The following MRAS variants were observed in gnomAD, a reference collection of about 807,000 sequenced individuals.
MRAS encodes the protein muscle RAS oncogene homolog, also known as ras-related protein M-Ras.
Under a neutral mutation model 20.9 loss-of-function variants are expected in MRAS, and 4 were observed. That is an observed-to-expected ratio of 0.19 (90% CI 0.09 to 0.44). The LOEUF (loss-of-function observed/expected upper bound fraction) is 0.44, where lower values mean the gene tolerates loss of function less well. Among genes scored for constraint, MRAS ranks in the 20% least tolerant of loss-of-function variants. The pLI is 0.99. For synonymous variants in MRAS, 98 were observed against 102.9 expected (o/e 0.95, Z 0.29); for missense variants, 154 against 277.5 (o/e 0.56, Z 3.16).
intron 2 of MRAS, among the ~76,000 whole-genome samples, chr3:138,393,753 G>A (rs1227359469): frequency 6.6e-6 from 1 of 151,880 alleles, no homozygotes; most frequent in African/African-American, 2.4e-5. Context: ...GCAATGGCGT[G>A]ATCTTGGCTC....
intron 1 of MRAS, among the ~76,000 whole-genome samples, chr3:138,371,601 CTTTCT>C (rs1168523374): frequency 1.3e-5 from 2 of 152,220 alleles, no homozygotes; most frequent in African/African-American, 2.4e-5. Context: ...CACAGGGATT[CTTTCT>C]TTTCTTCTAC....
At chr3:138,398,697 GT>G in intron 4 of MRAS, 129 bp downstream of exon 4, 1 of 773,516 alleles carries the variant, frequency 1.3e-6, no homozygotes, top group Non-Finnish European at 2.1e-6. Context: ...TTTAAGTCTT[GT>G]TGCTACTGAA....
At chr3:138,356,340 A>G (rs2054333598) in intron 1 of MRAS, among the ~76,000 whole-genome samples, 1 of 152,168 alleles carries the variant, frequency 6.6e-6, no homozygotes, top group African/African-American at 2.4e-5. Flanking sequence ...CTGACCATTT[A>G]TGGGGGGTGT....
At chr3:138,359,691 G>A (rs2054405705) in intron 1 of MRAS, among the ~76,000 whole-genome samples, 1 of 152,112 alleles carries the variant, frequency 6.6e-6, no homozygotes, top group Non-Finnish European at 1.5e-5. Flanking sequence ...ATGCCAGGCT[G>A]GCCCATGTCC....
In MRAS at chr3:138,367,668, C is replaced by T. The variant is rs186155663; in HGVS notation, c.-18-5198C>T. Among the ~76,000 whole-genome samples, 6 of 152,250 alleles carry T rather than the reference C, an allele frequency of 3.9e-5. No homozygotes were observed. In the East Asian group the frequency reaches 7.7e-4, roughly 20 times the overall value. On this transcript the variant is annotated intron_variant, in intron 1 of 5. Coordinates refer to ENST00000423968, the MANE Select transcript of MRAS (RefSeq NM_001085049.3). ...GTAGAAGGCCGCACTGGGAAAGTGACGAGGGCAGTGTGAGTAGAGACTGAG... is the reference window on the plus strand; with the variant it reads ...GTAGAAGGCCGCACTGGGAAAGTGATGAGGGCAGTGTGAGTAGAGACTGAG...
chr3:138,387,285 G>A (rs778477407), intron 2 of MRAS, among the ~76,000 whole-genome samples: 7 of 152,228 alleles, frequency 4.6e-5, no homozygotes, highest in Admixed American at 1.3e-4. Flanking sequence ...GCGCAGGTGC[G>A]GAGTAGGTGG....
At chr3:138,369,102 A>C (rs978697831) in intron 1 of MRAS, among the ~76,000 whole-genome samples, 26 of 152,174 alleles carry the variant, frequency 1.7e-4, no homozygotes, top group African/African-American at 6.3e-4. Context: ...GTTGTCCCTT[A>C]GCTCTCTCCA....
At position 138,402,301 on chromosome 3, in the gene MRAS, G is replaced by A; in HGVS notation, c.*32G>A. The A allele has an allele frequency of 1.9e-6, 3 of 1,583,842 alleles. No homozygotes were observed. The highest frequency in any genetic ancestry group is 2.6e-6 in the Non-Finnish European group (3 of 1,153,420). On this transcript the variant is annotated 3_prime_UTR_variant, in exon 6 of 6. Coordinates refer to ENST00000423968, the MANE Select transcript of MRAS (RefSeq NM_001085049.3). Reference sequence around the variant, plus strand: ...TGAGGCCCTGGGCACAGTGACGGTGGCCTGGCCAGCCCTCGGGACCCCTCC... The same window carrying A: ...TGAGGCCCTGGGCACAGTGACGGTGACCTGGCCAGCCCTCGGGACCCCTCC...
At chr3:138,363,882 C>A (rs1281131613) in intron 1 of MRAS, among the ~76,000 whole-genome samples, 2 of 126,648 alleles carry the variant, frequency 1.6e-5, no homozygotes, top group Non-Finnish European at 3.2e-5. Flanking sequence ...ATGGAGAGCT[C>A]TTCTGGATTT....
At chr3:138,393,361 G>A (rs1488323743) in intron 2 of MRAS, among the ~76,000 whole-genome samples, 1 of 152,106 alleles carries the variant, frequency 6.6e-6, no homozygotes, top group Non-Finnish European at 1.5e-5. Context: ...TTACTGCACT[G>A]GCCTTAAACT....
rs1346915755 is a variant in MRAS, at chr3:138,404,359, A to G, written c.*2090A>G. The G allele has an allele frequency of 6.6e-6, 1 of 152,236 alleles. No individual in the cohort carries two copies. The highest frequency in any genetic ancestry group is 1.5e-5 in the Non-Finnish European group (1 of 68,082). The allele number at this position is 152,236 out of a possible 1,614,324, so 9.4% of individuals were successfully genotyped here. A position where few individuals can be genotyped will look rare whatever the true frequency, so the allele number is the denominator to read the frequency against. On this transcript the variant is annotated 3_prime_UTR_variant, in exon 6 of 6. Transcript: ENST00000423968. Reference sequence around the variant, plus strand: ...AGCCAGAAAACTCCTGCTGGGCACCAACCACTACGAGCATACCCCATGCCC... The same window carrying G: ...AGCCAGAAAACTCCTGCTGGGCACCGACCACTACGAGCATACCCCATGCCC...
chr3:138,404,110 T>A lies in MRAS; in HGVS notation c.*1841T>A, dbSNP rs1282551809. The A allele has an allele frequency of 1.3e-5, 2 of 152,246 alleles. No individual in the cohort carries two copies. Among genetic ancestry groups the A allele is most frequent in the African/African-American group, 4.8e-5 (2 of 41,460 alleles). The allele number at this position is 152,246 out of a possible 1,614,324, so 9.4% of individuals were successfully genotyped here. A position where few individuals can be genotyped will look rare whatever the true frequency, so the allele number is the denominator to read the frequency against. ...CACTTCAAAGTTTCCTTAGACCCTA[T>A]AGTGTTAAGAGGTATTTTAAACACT... On this transcript the variant is annotated 3_prime_UTR_variant, in exon 6 of 6. Transcript: ENST00000423968.
chr3:138,385,590 A>G (rs2108541153), intron 2 of MRAS, among the ~76,000 whole-genome samples: 1 of 152,126 alleles, frequency 6.6e-6, no homozygotes, highest in East Asian at 1.9e-4. Flanking sequence ...ACCTTGGCTC[A>G]CTGCAACCTC....
At chr3:138,355,423 G>A (rs907753588) in intron 1 of MRAS, among the ~76,000 whole-genome samples, 5 of 152,254 alleles carry the variant, frequency 3.3e-5, no homozygotes, top group Non-Finnish European at 7.3e-5. Flanking sequence ...AGAACAGTGA[G>A]TAAAGCTCTG....
At chr3:138,380,103 C>T (rs1202305392) in intron 2 of MRAS, among the ~76,000 whole-genome samples, 2 of 152,060 alleles carry the variant, frequency 1.3e-5, no homozygotes, top group Non-Finnish European at 2.9e-5. Context: ...TGATGATTAG[C>T]GATGTTGATA....
chr3:138,385,502 ATATT>A (rs544140854), intron 2 of MRAS, among the ~76,000 whole-genome samples: 6 of 149,634 alleles, frequency 4.0e-5, no homozygotes, highest in African/African-American at 7.3e-5. Flanking sequence ...TAAAATATAT[ATATT>A]TATTTATTTA....
At chr3:138,368,228 G>A (rs2054602899) in intron 1 of MRAS, among the ~76,000 whole-genome samples, 1 of 152,222 alleles carries the variant, frequency 6.6e-6, no homozygotes, top group South Asian at 2.1e-4. Context: ...AGAGATGGTG[G>A]TGAGGCTTCT....
intron 1 of MRAS, among the ~76,000 whole-genome samples, chr3:138,354,909 T>C (rs1332766621): frequency 6.6e-6 from 1 of 152,094 alleles, no homozygotes; most frequent in African/African-American, 2.4e-5. Context: ...GCCTCCTCAG[T>C]AGCTGAGACT....
intron 1 of MRAS, among the ~76,000 whole-genome samples, chr3:138,352,997 C>G (rs761088841): frequency 7.2e-5 from 11 of 152,120 alleles, no homozygotes; most frequent in Non-Finnish European, 1.2e-4. Flanking sequence ...AGACCACTAC[C>G]AGTATTCAAG....
Sources: gnomAD v4.1 joint callset for allele counts (sites outside exome capture counted in the v4.1 genomes callset) on GRCh38, gnomAD v4.1.1 for gene constraint, MANE v1.5 for transcripts, NCBI Gene and HGNC (gene_info 2026-07-23, HGNC 2026-07-21) for gene names.